The following CAGE1 variants were observed in gnomAD, a reference collection of about 807,000 sequenced individuals.
CAGE1 encodes the protein cancer antigen 1, also known as cancer-associated gene 1 protein.
A neutral mutation model predicts 94.9 loss-of-function variants in CAGE1; 66 were observed. The ratio of observed to expected loss-of-function variants is 0.70; its 90% CI spans 0.57 to 0.85. CAGE1 has a LOEUF of 0.85. Ranked by LOEUF, CAGE1 falls within the 40% of genes least tolerant of loss-of-function variation. CAGE1 has a pLI of 0.00. For missense variants in CAGE1, 865 were observed against 950.4 expected, an observed-to-expected ratio of 0.91 and a Z score of 1.18; for synonymous variants, 319 against 321.0, an observed-to-expected ratio of 0.99 and a Z score of 0.07.
In CAGE1 at chr6:7,334,072, T is replaced by G. The variant is rs1378376746; in HGVS notation, c.2388A>C (p.Lys796Asn). 8 of 1,534,456 alleles carry G rather than the reference T, an allele frequency of 5.2e-6. No homozygotes were observed. The Middle Eastern group carries it at 1.0e-3, about 193-fold the overall frequency. The change falls in exon 12 of 14, where the codon AAA (lysine) becomes AAC (asparagine). Residue 796 changes from lysine (K) to asparagine (N), a missense_variant. Lys to Asn is a moderately conservative substitution (Grantham distance 94, BLOSUM62 0). Coordinates refer to ENST00000502583, the MANE Select transcript of CAGE1 (RefSeq NM_001170692.2). Reference protein sequence around the residue: ...SQIAHLEERNKHLEDLIRKPR... With the variant: ...SQIAHLEERNNHLEDLIRKPR... Reference sequence around the variant, plus strand: ...GCTTTCTAATTAAATCCTCTAAATGTTTATTTCTCTCTTCCAAACTGAAAG... The same window carrying G: ...GCTTTCTAATTAAATCCTCTAAATGGTTATTTCTCTCTTCCAAACTGAAAG...
intron 11 of CAGE1, among the ~76,000 whole-genome samples, chr6:7,343,103 C>T (rs566030773): frequency 1.7e-4 from 26 of 151,118 alleles, no homozygotes; most frequent in African/African-American, 5.6e-4. Flanking sequence ...GCAGGAGAAT[C>T]GCTTGAACCC....
At chr6:7,365,757 T>G in intron 8 of CAGE1, 47 bp downstream of exon 8, 1 of 1,358,650 alleles carries the variant, frequency 7.4e-7, no homozygotes, top group Non-Finnish European at 1.0e-6. Context: ...TACCTGAAAT[T>G]GTATATTTTT....
chr6:7,374,538 C>T (rs2326954), intron 4 of CAGE1, among the ~76,000 whole-genome samples: 80,103 of 149,386 alleles, frequency 0.54, 23,817 homozygotes, highest in African/African-American at 0.82. Flanking sequence ...AGTTCTCTCT[C>T]TTTTTTTTTT....
At chr6:7,330,275 C>T (rs142118284) in intron 12 of CAGE1, among the ~76,000 whole-genome samples, 10 of 152,162 alleles carry the variant, frequency 6.6e-5, no homozygotes, top group Admixed American at 6.5e-4. Flanking sequence ...GTAAACCCAG[C>T]TACTCACAAG....
intron 11 of CAGE1, among the ~76,000 whole-genome samples, chr6:7,337,236 AG>A (rs1265926841): frequency 6.7e-6 from 1 of 150,074 alleles, no homozygotes; most frequent in African/African-American, 2.5e-5. Context: ...CTGAGGCAGG[AG>A]AATCACTTGA....
At chr6:7,347,731 G>T (rs1345303674) in intron 11 of CAGE1, among the ~76,000 whole-genome samples, 1 of 152,114 alleles carries the variant, frequency 6.6e-6, no homozygotes, top group African/African-American at 2.4e-5. Context: ...GTAAAAGGGG[G>T]CATGGTGAGA....
chr6:7,339,048 T>C lies in CAGE1; in HGVS notation c.2370-4958A>G, dbSNP rs111753461. The C allele has an allele frequency of 1.9e-6, 3 of 1,606,266 alleles. No homozygotes were observed. The highest frequency in any genetic ancestry group is 2.7e-5 in the African/African-American group (2 of 74,796). ...CAGCACACTCTGTCTGAGCAACACA[T>C]GGCGCACAGCAGTGTCAACGTAGTA... On this transcript the variant is annotated intron_variant, in intron 11 of 13. Transcript: ENST00000502583. The surrounding 1 kb of genome is among the most constrained non-coding windows in gnomAD (Gnocchi z 4.7).
chr6:7,386,573 G>A (rs1561869946), intron 2 of CAGE1, among the ~76,000 whole-genome samples: 1 of 152,204 alleles, frequency 6.6e-6, no homozygotes, highest in East Asian at 1.9e-4. Context: ...CTGCACTCCT[G>A]GCTAGAAAGG....
chr6:7,373,242 T>C lies in CAGE1; in HGVS notation c.1577A>G (p.Glu526Gly). 7 of 1,606,320 alleles carry C rather than the reference T, an allele frequency of 4.4e-6. No individual in the cohort carries two copies. Among genetic ancestry groups the C allele is most frequent in the Non-Finnish European group, 6.0e-6 (7 of 1,175,578 alleles). The change falls in exon 5 of 14, where the codon GAA becomes GGA. Residue 526 changes from glutamate (E) to glycine (G), a missense_variant. By Grantham distance (98) the Glu-to-Gly change is moderately conservative. Coordinates refer to ENST00000502583, the MANE Select transcript of CAGE1 (RefSeq NM_001170692.2). ...CTGAAGTTTTATATTCTTCGTTCTT[T>C]CATTTTCAGACATAAATTGCAAATT... ...VRNLQFMSEN[E>G]RTKNIKLQQQ... is the part of the protein sequence containing the mutation.
chr6:7,331,492 A>G (rs1758752664), intron 12 of CAGE1: 1 of 428,940 alleles, frequency 2.3e-6, no homozygotes. Context: ...GCACCGTTAC[A>G]TTTCACACCA....
intron 2 of CAGE1, among the ~76,000 whole-genome samples, chr6:7,386,149 G>A (rs749335283): frequency 4.6e-5 from 7 of 152,244 alleles, no homozygotes; most frequent in East Asian, 3.9e-4. Context: ...TTAGGGATAC[G>A]TGATAGCATA....
At chr6:7,367,188 G>T in intron 7 of CAGE1, among the ~76,000 whole-genome samples, 1 of 149,916 alleles carries the variant, frequency 6.7e-6, no homozygotes, top group Non-Finnish European at 1.5e-5. Context: ...GAATCAAACT[G>T]CAGACATCAT....
At chr6:7,378,260 A>G (rs943605280) in intron 4 of CAGE1, among the ~76,000 whole-genome samples, 1 of 152,220 alleles carries the variant, frequency 6.6e-6, no homozygotes, top group Non-Finnish European at 1.5e-5. Context: ...GTGGTGCATA[A>G]GAGGGTGAGT....
chr6:7,329,479 G>C (rs2113336126), intron 13 of CAGE1, among the ~76,000 whole-genome samples: 1 of 152,236 alleles, frequency 6.6e-6, no homozygotes, highest in Admixed American at 6.5e-5. Flanking sequence ...TGCAACGGAG[G>C]GGCATGAAAA....
chr6:7,330,368 C>A (rs1164036561), intron 12 of CAGE1, among the ~76,000 whole-genome samples: 3 of 152,100 alleles, frequency 2.0e-5, no homozygotes, highest in African/African-American at 7.2e-5. Context: ...GCCTGGGTAG[C>A]AGAGTGAGAC....
intron 11 of CAGE1, among the ~76,000 whole-genome samples, chr6:7,349,400 G>C (rs1264405167): frequency 1.3e-5 from 2 of 152,078 alleles, no homozygotes; most frequent in African/African-American, 4.8e-5. Context: ...TACAAGAACT[G>C]CTAAAAGGAG....
chr6:7,345,850 G>A lies in CAGE1; in HGVS notation c.2369+9191C>T, dbSNP rs759840622. ...TGAGGCAGGAGAATGGTGTGAACCC[G>A]GGAGGAGAAGCTTGCAGTGAGCCGA... On this transcript the variant is annotated intron_variant, in intron 11 of 13. Coordinates refer to ENST00000502583, the MANE Select transcript of CAGE1 (RefSeq NM_001170692.2). Among the ~76,000 whole-genome samples, 9 of 152,114 alleles carry A rather than the reference G, an allele frequency of 5.9e-5. No individual in the cohort carries two copies. In the South Asian group the frequency reaches 6.2e-4, roughly 11 times the overall value.
intron 11 of CAGE1, among the ~76,000 whole-genome samples, chr6:7,338,173 G>T (rs958208013): frequency 1.3e-5 from 2 of 152,018 alleles, no homozygotes; most frequent in African/African-American, 4.8e-5. Context: ...TTTTTTTGTA[G>T]ATTCCATCAG....
intron 11 of CAGE1, among the ~76,000 whole-genome samples, chr6:7,345,358 C>G (rs544674439): frequency 4.8e-4 from 72 of 151,426 alleles, no homozygotes; most frequent in African/African-American, 1.6e-3. Context: ...AAACTCTGAA[C>G]ACATCAGAAC....
Sources: allele counts gnomAD v4.1 joint callset (sites outside exome capture counted in the v4.1 genomes callset), GRCh38; gene constraint gnomAD v4.1.1; non-coding constraint Gnocchi (gnomAD v3.1); transcripts MANE v1.5; gene names NCBI Gene and HGNC (gene_info 2026-07-23, HGNC 2026-07-21).